The following THSD7B variants were observed in gnomAD, a reference collection of about 807,000 sequenced individuals.
The protein encoded by THSD7B is thrombospondin type 1 domain containing 7B.
A neutral mutation model predicts 213.6 loss-of-function variants in THSD7B; 138 were observed. That is an observed-to-expected ratio of 0.65 (90% CI 0.56 to 0.74). The LOEUF is 0.74. Among genes scored for constraint, THSD7B ranks in the 30% least tolerant of loss-of-function variants. The pLI is 0.00. For missense variants in THSD7B, 1,931 were observed against 1,991.5 expected (o/e 0.97, Z 0.58); for synonymous variants, 742 against 687.0 (o/e 1.08, Z -1.25).
chr2:136,901,716 C>T (rs1684066570), intron 2 of THSD7B, among the ~76,000 whole-genome samples: 1 of 152,184 alleles, frequency 6.6e-6, no homozygotes, highest in Non-Finnish European at 1.5e-5. Context: ...ATTTATAGCA[C>T]ATGAGAAAGG....
chr2:136,904,842 G>A (rs1370257266), intron 2 of THSD7B, among the ~76,000 whole-genome samples: 4 of 152,146 alleles, frequency 2.6e-5, no homozygotes, highest in African/African-American at 9.7e-5. Context: ...TTTGCTTTCA[G>A]CAAATGCATG....
At chr2:137,029,570 A>T (rs192912420) in intron 2 of THSD7B, among the ~76,000 whole-genome samples, 1 of 152,286 alleles carries the variant, frequency 6.6e-6, no homozygotes, top group East Asian at 1.9e-4. Context: ...CCTGAGGATA[A>T]TCTGAAAAAT....
intron 13 of THSD7B, 32 bp from the exon 14 acceptor site, chr2:137,411,577 A>G (rs766861766): frequency 6.3e-7 from 1 of 1,575,596 alleles, no homozygotes; most frequent in East Asian, 2.3e-5. Context: ...GCAGATAAGC[A>G]TTTAATATCT....
In THSD7B at chr2:137,079,168, T is replaced by C. The variant is rs1315754831; in HGVS notation, c.951-15705T>C. Among the ~76,000 whole-genome samples, 5 of 152,130 alleles carry C rather than the reference T, an allele frequency of 3.3e-5. 1 individual carries two copies. ...AATCCATCTCAAAAAAATAAATCTGTAATTGCAAATTTTCTATGTACATTT... is the reference window on the plus strand; with the variant it reads ...AATCCATCTCAAAAAAATAAATCTGCAATTGCAAATTTTCTATGTACATTT... On this transcript the variant is annotated intron_variant, in intron 3 of 27. Coordinates refer to ENST00000409968, the MANE Select transcript of THSD7B (RefSeq NM_001316349.2).
At chr2:137,339,562 G>C (rs1017677826) in intron 12 of THSD7B, among the ~76,000 whole-genome samples, 3 of 151,704 alleles carry the variant, frequency 2.0e-5, no homozygotes, top group African/African-American at 7.3e-5. Context: ...TTGGAGATTT[G>C]GAACAACTAT....
chr2:137,479,055 T>A (rs896570257), intron 15 of THSD7B, among the ~76,000 whole-genome samples: 1 of 152,184 alleles, frequency 6.6e-6, no homozygotes, highest in Admixed American at 6.5e-5. Context: ...GCTCAAATGC[T>A]AGGAATGGCA....
intron 12 of THSD7B, among the ~76,000 whole-genome samples, chr2:137,314,546 G>C (rs905918824): frequency 2.0e-5 from 3 of 152,204 alleles, no homozygotes; most frequent in Admixed American, 2.0e-4. Context: ...TCCATTGCTG[G>C]TGAGGAACTG....
At chr2:136,824,852 C>A (rs1682619178) in intron 1 of THSD7B, among the ~76,000 whole-genome samples, 1 of 152,130 alleles carries the variant, frequency 6.6e-6, no homozygotes, top group Non-Finnish European at 1.5e-5. Flanking sequence ...GAGAATATTT[C>A]ATTACTGTAT....
chr2:137,554,715 G>A (rs1680918939), intron 15 of THSD7B, among the ~76,000 whole-genome samples: 1 of 152,176 alleles, frequency 6.6e-6, no homozygotes, highest in East Asian at 1.9e-4. Context: ...TACAGTGGAT[G>A]CAGTGCACCG....
intron 15 of THSD7B, among the ~76,000 whole-genome samples, chr2:137,541,899 C>G (rs1680617466): frequency 6.6e-6 from 1 of 151,278 alleles, no homozygotes; most frequent in Non-Finnish European, 1.5e-5. Context: ...TTGAGATGAT[C>G]TAGTCTGAGG....
intron 12 of THSD7B, among the ~76,000 whole-genome samples, chr2:137,283,828 A>G (rs1366861216): frequency 2.0e-5 from 3 of 152,072 alleles, no homozygotes; most frequent in South Asian, 2.1e-4. Flanking sequence ...TTTTTGCATC[A>G]ATGTTCATCA....
rs558341688 is a variant in THSD7B, at chr2:137,418,903, A to T, written c.2959+7031A>T. Among the ~76,000 whole-genome samples, 5 of 130,784 alleles carry T rather than the reference A, an allele frequency of 3.8e-5. No individual in the cohort carries two copies. In the East Asian group the frequency reaches 1.3e-3, roughly 33 times the overall value. 85.8% of individuals were successfully genotyped at this position (130,784 alleles called of 152,430 possible). A position where few individuals can be genotyped will look rare whatever the true frequency, so the allele number is the denominator to read the frequency against. On this transcript the variant is annotated intron_variant, in intron 14 of 27. Coordinates refer to ENST00000409968, the MANE Select transcript of THSD7B (RefSeq NM_001316349.2). ...GTGGCTGAATAATATTCCATTGTGTATATGTCTCACTTTTTTTTTTTTAAG... is the reference window on the plus strand; with the variant it reads ...GTGGCTGAATAATATTCCATTGTGTTTATGTCTCACTTTTTTTTTTTTAAG...
chr2:137,305,379 A>C (rs1683716774), intron 12 of THSD7B, among the ~76,000 whole-genome samples: 1 of 152,144 alleles, frequency 6.6e-6, no homozygotes, highest in Admixed American at 6.5e-5. Flanking sequence ...CTTGGAGTCT[A>C]CAGGACAGGC....
At chr2:137,229,136 C>T (rs1681581889) in intron 7 of THSD7B, among the ~76,000 whole-genome samples, 1 of 152,220 alleles carries the variant, frequency 6.6e-6, no homozygotes, top group South Asian at 2.1e-4. Flanking sequence ...TATTTTTAAC[C>T]CAACCCTCAC....
chr2:136,998,909 G>GACACAAACACACACACACAC (rs1295053031), intron 2 of THSD7B, among the ~76,000 whole-genome samples: 5 of 129,986 alleles, frequency 3.8e-5, no homozygotes, highest in African/African-American at 1.4e-4. Flanking sequence ...ATACCCAACA[G>GACACAAACACACACACACAC]ACACACACAC....
intron 7 of THSD7B, among the ~76,000 whole-genome samples, chr2:137,215,190 C>CGA (rs1241176075): frequency 1.3e-5 from 2 of 152,098 alleles, no homozygotes; most frequent in African/African-American, 4.8e-5. Flanking sequence ...CCAGTGATGA[C>CGA]GAGCTCTTTT....
At chr2:137,085,910 A>G (rs186405033) in intron 3 of THSD7B, among the ~76,000 whole-genome samples, 34 of 152,344 alleles carry the variant, frequency 2.2e-4, no homozygotes, top group African/African-American at 6.0e-4. Flanking sequence ...AGGAAAATAT[A>G]TTTGTATTAT....
chr2:136,817,074 T>C (rs1189857755), intron 1 of THSD7B, among the ~76,000 whole-genome samples: 1 of 152,194 alleles, frequency 6.6e-6, no homozygotes, highest in Non-Finnish European at 1.5e-5. Flanking sequence ...GCCTCTATTG[T>C]CGGCTCATTC....
chr2:136,913,153 C>T (rs759196461), intron 2 of THSD7B, among the ~76,000 whole-genome samples: 20 of 152,128 alleles, frequency 1.3e-4, no homozygotes, highest in South Asian at 4.1e-4. Flanking sequence ...GGAGCAAAGG[C>T]GACTCTTGTT....
Sources: allele counts gnomAD v4.1 joint callset (sites outside exome capture counted in the v4.1 genomes callset), GRCh38; gene constraint gnomAD v4.1.1; transcripts MANE v1.5; gene names NCBI Gene and HGNC (gene_info 2026-07-23, HGNC 2026-07-21).